Variants in AKAIN1 observed in about 807,000 individuals in gnomAD.
The protein encoded by AKAIN1 is A-kinase anchor inhibitor 1.
A neutral mutation model predicts 3.7 loss-of-function variants in AKAIN1; 3 were observed. The observed-to-expected ratio is 0.82, with a 90% confidence interval of 0.37 to 2.12. AKAIN1 has a LOEUF of 2.12. Among genes scored for constraint, AKAIN1 ranks in the 30% most tolerant of loss-of-function variants. The pLI is 0.06. For missense variants in AKAIN1, 82 were observed against 82.7 expected (o/e 0.99, Z 0.03); for synonymous variants, 31 against 30.8 (o/e 1.01, Z -0.02).
intron 1 of AKAIN1, among the ~76,000 whole-genome samples, chr18:5,156,587 A>T (rs757646730): frequency 6.6e-6 from 1 of 152,204 alleles, no homozygotes; most frequent in Non-Finnish European, 1.5e-5. Flanking sequence ...ATATCCCTTC[A>T]TGACACAATG....
At chr18:5,164,115 T>A (rs1173065850) in intron 1 of AKAIN1, among the ~76,000 whole-genome samples, 1 of 151,968 alleles carries the variant, frequency 6.6e-6, no homozygotes, top group Non-Finnish European at 1.5e-5. Context: ...GTGCAAAAAA[T>A]CTAGAGCAAG....
chr18:5,157,555 T>C (rs139355295), intron 1 of AKAIN1, among the ~76,000 whole-genome samples: 5 of 152,272 alleles, frequency 3.3e-5, no homozygotes, highest in African/African-American at 1.2e-4. Context: ...CCTCACGCCC[T>C]CACCCGTCCT....
chr18:5,159,599 G>T (rs893233406), intron 1 of AKAIN1, among the ~76,000 whole-genome samples: 2 of 152,134 alleles, frequency 1.3e-5, no homozygotes, highest in African/African-American at 4.8e-5. Context: ...TAAGATACAA[G>T]AACTTACAAT....
At chr18:5,193,871 G>A (rs2071334492) in intron 1 of AKAIN1, among the ~76,000 whole-genome samples, 1 of 152,116 alleles carries the variant, frequency 6.6e-6, no homozygotes, top group Admixed American at 6.6e-5. Flanking sequence ...TTAGTATTAT[G>A]GGACAAATAT....
upstream of AKAIN1, chr18:5,197,493 G>A (rs2143052985): frequency 2.1e-6 from 1 of 473,672 alleles, no homozygotes; most frequent in Non-Finnish European, 2.6e-6. This position sits in a 1 kb window ranked among gnomAD's most constrained non-coding sequence, Gnocchi z 6.9. Context: ...TGACATTTAA[G>A]ATAGATTTGT....
chr18:5,177,940 C>A (rs751249536), intron 1 of AKAIN1, among the ~76,000 whole-genome samples: 3 of 152,082 alleles, frequency 2.0e-5, no homozygotes, highest in Non-Finnish European at 4.4e-5. Flanking sequence ...CTGAGGAATT[C>A]CTGAGCATAA....
chr18:5,167,023 T>C (rs1383273559), intron 1 of AKAIN1, among the ~76,000 whole-genome samples: 1 of 152,040 alleles, frequency 6.6e-6, no homozygotes, highest in Non-Finnish European at 1.5e-5. Flanking sequence ...AAATGATACA[T>C]GAAGGACATT....
chr18:5,173,733 T>C lies in AKAIN1; in HGVS notation c.16+23305A>G, dbSNP rs190805227. ...ATTTTGACCTCTAGGAGTGCAGAAG[T>C]GCAGAGGGGCTGGTGATCTCTAAAC... On this transcript the variant is annotated intron_variant, in intron 1 of 1. Transcript: ENST00000434239. 3.3e-4 allele frequency among the ~76,000 whole-genome samples: 50 copies of C among 152,226 alleles called. 1 individual carries two copies. The highest frequency in any genetic ancestry group is 3.4e-3 in the Middle Eastern group (1 of 294).
chr18:5,157,706 T>A (rs1425846750), intron 1 of AKAIN1, among the ~76,000 whole-genome samples: 1 of 152,140 alleles, frequency 6.6e-6, no homozygotes, highest in African/African-American at 2.4e-5. Context: ...TTTTTAAAAT[T>A]ATTAAATTTT....
chr18:5,179,533 T>G (rs188955441), intron 1 of AKAIN1, among the ~76,000 whole-genome samples: 1 of 152,152 alleles, frequency 6.6e-6, no homozygotes, highest in African/African-American at 2.4e-5. Context: ...AGTGCTGCAA[T>G]AAACATATGA....
At chr18:5,180,165 C>T (rs141134828) in intron 1 of AKAIN1, among the ~76,000 whole-genome samples, 3 of 152,196 alleles carry the variant, frequency 2.0e-5, no homozygotes, top group African/African-American at 7.2e-5. Flanking sequence ...AGCACTCTGA[C>T]ACTTTAGTGT....
rs554081884 is a variant in AKAIN1, at chr18:5,160,767, C to T, written c.17-15012G>A. Among the ~76,000 whole-genome samples, 136 of 152,132 alleles carry T rather than the reference C, an allele frequency of 8.9e-4. 1 individual carries two copies. The highest frequency in any genetic ancestry group is 3.2e-3 in the African/African-American group (131 of 41,508). On this transcript the variant is annotated intron_variant, in intron 1 of 1. Transcript: ENST00000434239. Reference sequence around the variant, plus strand: ...GTAAGGACCTGATTTCCTGTATTTTCGTATGAATAGTGAATTGCCACAGAA... The same window carrying T: ...GTAAGGACCTGATTTCCTGTATTTTTGTATGAATAGTGAATTGCCACAGAA...
Position 5,145,561 on chromosome 18 carries a change from G to A in AKAIN1, c.*1C>T. ...ACATGTCAAGAGCCAAATCCACCAT[G>A]TTACTTCTTTTCGTGCTTCTTGGTT... On this transcript the variant is annotated 3_prime_UTR_variant, in exon 2 of 2. Coordinates refer to ENST00000434239, the MANE Select transcript of AKAIN1 (RefSeq NM_001145194.2). 6.4e-7 allele frequency: 1 copy of A among 1,550,792 alleles called. No homozygotes were observed. The highest frequency in any genetic ancestry group is 8.7e-7 in the Non-Finnish European group (1 of 1,146,622).
chr18:5,175,155 A>G (rs548855094), intron 1 of AKAIN1, among the ~76,000 whole-genome samples: 45 of 152,236 alleles, frequency 3.0e-4, no homozygotes, highest in African/African-American at 1.0e-3. Context: ...ATGGAACCCC[A>G]CCTGCAGAGA....
chr18:5,163,327 G>A (rs2071150091), intron 1 of AKAIN1, among the ~76,000 whole-genome samples: 1 of 151,980 alleles, frequency 6.6e-6, no homozygotes, highest in South Asian at 2.1e-4. Context: ...GAAAATTCTG[G>A]ATATTACTTA....
intron 1 of AKAIN1, among the ~76,000 whole-genome samples, chr18:5,181,359 C>T (rs2071257484): frequency 6.6e-6 from 1 of 152,048 alleles, no homozygotes; most frequent in Non-Finnish European, 1.5e-5. Flanking sequence ...TTTGTCTGCT[C>T]ATTGCAGCAA....
chr18:5,189,103 G>A (rs1026807788), intron 1 of AKAIN1, among the ~76,000 whole-genome samples: 1 of 152,160 alleles, frequency 6.6e-6, no homozygotes, highest in African/African-American at 2.4e-5. Context: ...GAGCAGCCAA[G>A]GAGAGTTATG....
chr18:5,191,737 G>A (rs1223051563), intron 1 of AKAIN1, among the ~76,000 whole-genome samples: 1 of 152,056 alleles, frequency 6.6e-6, no homozygotes, highest in Non-Finnish European at 1.5e-5. Context: ...AAGACTTACT[G>A]CAGGTTGAGT....
chr18:5,146,656 C>A (rs532163002), intron 1 of AKAIN1, among the ~76,000 whole-genome samples: 51 of 152,292 alleles, frequency 3.3e-4, no homozygotes, highest in African/African-American at 1.2e-3. Context: ...AACCTGCCCC[C>A]CTCCCCGCCT....
Sources: gnomAD v4.1 joint callset for allele counts (sites outside exome capture counted in the v4.1 genomes callset) on GRCh38, gnomAD v4.1.1 for gene constraint, Gnocchi (gnomAD v3.1) non-coding constraint, MANE v1.5 for transcripts, NCBI Gene and HGNC (gene_info 2026-07-23, HGNC 2026-07-21) for gene names.